Variants in CBR4 observed in about 807,000 individuals in gnomAD.
The protein encoded by CBR4 is 3-oxoacyl-[acyl-carrier-protein] reductase.
Under a neutral mutation model 21.0 loss-of-function variants are expected in CBR4, and 22 were observed. That is an observed-to-expected ratio of 1.05 (90% confidence interval 0.75 to 1.50). The LOEUF is 1.50. CBR4 is among the 40% of genes most tolerant of loss of function. The probability of loss-of-function intolerance (pLI) is 0.00; values close to 1 mark genes in which losing one functional copy is unlikely to be tolerated. For missense variants in CBR4, 302 were observed against 286.3 expected (o/e 1.05, Z -0.40); for synonymous variants, 100 against 104.4 (o/e 0.96, Z 0.26).
intron 2 of CBR4, chr4:168,898,435 G>A: frequency 9.3e-7 from 1 of 1,075,104 alleles, no homozygotes; most frequent in Non-Finnish European, 1.4e-6. Flanking sequence ...GGCAGGGAGA[G>A]ACGTGACACT....
intron 2 of CBR4, among the ~76,000 whole-genome samples, chr4:168,909,275 A>G (rs1560903421): frequency 6.6e-6 from 1 of 152,244 alleles, no homozygotes; most frequent in East Asian, 1.9e-4. Context: ...TGTTTCCTCA[A>G]ACTGCATTAT....
At chr4:168,921,540 G>A (rs1406129440) in intron 2 of CBR4, 1 of 1,599,914 alleles carries the variant, frequency 6.3e-7, no homozygotes, top group South Asian at 1.1e-5. Flanking sequence ...TTAGGTCAGT[G>A]GGTTACCAAC....
chr4:168,980,034 T>G (rs1419322253), intron 2 of CBR4, among the ~76,000 whole-genome samples: 2 of 152,058 alleles, frequency 1.3e-5, no homozygotes, highest in African/African-American at 4.8e-5. Flanking sequence ...GGATGATTAT[T>G]CTGATGGACA....
In CBR4 at chr4:168,945,060, T is replaced by C. The variant is rs1323259516; in HGVS notation, n.170-50295A>G. Reference sequence around the variant, plus strand: ...CATTCTTTCACTAAATTCCTTCTTTTGGAAAGTTTTAAGGTTAGCTCCTGT... The same window carrying C: ...CATTCTTTCACTAAATTCCTTCTTTCGGAAAGTTTTAAGGTTAGCTCCTGT... On this transcript the variant is annotated intron_variant and non_coding_transcript_variant, in intron 2 of 3. Coordinates refer to the CBR4 transcript ENST00000509108. 2.0e-5 allele frequency among the ~76,000 whole-genome samples: 3 copies of C among 152,196 alleles called. No individual in the cohort carries two copies. In the East Asian group the frequency reaches 5.8e-4, roughly 29 times the overall value.
intron 2 of CBR4, among the ~76,000 whole-genome samples, chr4:168,930,337 C>T (rs925871290): frequency 4.0e-5 from 6 of 151,788 alleles, no homozygotes; most frequent in African/African-American, 7.3e-5. Context: ...AGCTTAAATA[C>T]GTAGAAAAGG....
intron 2 of CBR4, among the ~76,000 whole-genome samples, chr4:168,910,073 A>G (rs1429461915): frequency 6.6e-6 from 1 of 152,166 alleles, no homozygotes; most frequent in Non-Finnish European, 1.5e-5. Context: ...ATTACAAATG[A>G]TAACTATTCC....
In CBR4 at chr4:169,010,133, C is replaced by G. The variant is rs1731307292; in HGVS notation, c.-44G>C. Reference sequence around the variant, plus strand: ...GAGGAAAGAGGGTAGGGAGTGGGAGCCCCTCTCCAGGTTCCCTCAGGCTTT... The same window carrying G: ...GAGGAAAGAGGGTAGGGAGTGGGAGGCCCTCTCCAGGTTCCCTCAGGCTTT... On this transcript the variant is annotated 5_prime_UTR_variant, in exon 1 of 5. Transcript: ENST00000306193. 1 of 1,520,342 alleles carries G rather than the reference C, an allele frequency of 6.6e-7. No individual in the cohort carries two copies. The highest frequency in any genetic ancestry group is 1.4e-5 in the African/African-American group (1 of 70,410). The allele number at this position is 1,520,342 out of a possible 1,614,324, so 94.2% of individuals were successfully genotyped here.
Position 168,958,925 on chromosome 4 carries a change from C to G in CBR4, n.169+43146G>C, listed in dbSNP as rs531342798. The stretch of plus-strand genomic sequence containing the variant: ...TCGTTTTAGGAGTCTGTTATATATT[C>G]TGGTCAAAAGTCCTTTTTCATGTAT... On this transcript the variant is annotated intron_variant and non_coding_transcript_variant, in intron 2 of 3. Coordinates refer to the CBR4 transcript ENST00000509108. 4.6e-5 allele frequency among the ~76,000 whole-genome samples: 7 copies of G among 152,238 alleles called. No homozygotes were observed. In the East Asian group the frequency reaches 1.3e-3, roughly 29 times the overall value.
At chr4:168,910,943 G>A (rs1040879544) in intron 2 of CBR4, among the ~76,000 whole-genome samples, 31 of 152,124 alleles carry the variant, frequency 2.0e-4, no homozygotes, top group African/African-American at 7.5e-4. Context: ...GCTGGGGTCC[G>A]CCAAGCTGCT....
chr4:168,963,828 C>G (rs952184692), intron 2 of CBR4, among the ~76,000 whole-genome samples: 1 of 152,060 alleles, frequency 6.6e-6, no homozygotes, highest in Non-Finnish European at 1.5e-5. Context: ...GAGGGATGCT[C>G]CAAGACCAAA....
intron 2 of CBR4, among the ~76,000 whole-genome samples, chr4:168,920,420 T>A (rs1761216348): frequency 6.6e-6 from 1 of 152,232 alleles, no homozygotes; most frequent in South Asian, 2.1e-4. Context: ...CTCTGGCTGA[T>A]GCTGGCAAAG....
chr4:168,922,100 TATACACACACACACACAC>T (rs1338443777), intron 2 of CBR4, among the ~76,000 whole-genome samples: 4 of 96,640 alleles, frequency 4.1e-5, no homozygotes, highest in South Asian at 4.1e-4. Flanking sequence ...TATATATATA[TATACACACACACACACAC>T]ACACACACAC....
chr4:168,915,219 T>G (rs1759861076), intron 2 of CBR4, among the ~76,000 whole-genome samples: 1 of 152,232 alleles, frequency 6.6e-6, no homozygotes, highest in African/African-American at 2.4e-5. Context: ...TAAACTTATC[T>G]TCTAGTCACT....
chr4:168,935,297 C>G (rs1045533461), intron 2 of CBR4, among the ~76,000 whole-genome samples: 20 of 152,188 alleles, frequency 1.3e-4, no homozygotes, highest in Non-Finnish European at 2.1e-4. Flanking sequence ...GATGCCTGTG[C>G]CACCAAGGCC....
intron 2 of CBR4, among the ~76,000 whole-genome samples, chr4:168,963,759 C>T (rs1015685227): frequency 2.0e-5 from 3 of 152,074 alleles, no homozygotes; most frequent in African/African-American, 7.2e-5. Flanking sequence ...GCCACCGCGC[C>T]CAACCTCCTG....
intron 2 of CBR4, among the ~76,000 whole-genome samples, chr4:168,974,239 A>T (rs1764301856): frequency 6.6e-6 from 1 of 152,180 alleles, no homozygotes; most frequent in Non-Finnish European, 1.5e-5. Flanking sequence ...AGAGGACCCC[A>T]ATCACTTCTG....
At chr4:169,006,964 A>G in intron 2 of CBR4, 73 bp from the exon 3 acceptor site, 1 of 1,200,240 alleles carries the variant, frequency 8.3e-7, no homozygotes, top group Non-Finnish European at 1.2e-6. Flanking sequence ...CTAATGTAAC[A>G]TTTTTACTGA....
rs5863973 is a variant in CBR4, at chr4:168,994,745, A to ATTT, written c.536-4420_536-4418dup. On this transcript the variant is annotated intron_variant, in intron 4 of 4. Transcript: ENST00000306193. Reference sequence around the variant, plus strand: ...AGGCGCCTACCACCACGCCTGGCTAATTTTTTTTTTTTTTTTTTTTTTTTT... The same window carrying ATTT: ...AGGCGCCTACCACCACGCCTGGCTAATTTTTTTTTTTTTTTTTTTTTTTTTTTT... Among the ~76,000 whole-genome samples the ATTT allele has an allele frequency of 6.6e-4, 32 of 48,788 alleles. 1 individual carries two copies. The highest frequency in any genetic ancestry group is 2.9e-3 in the Admixed American group (9 of 3,086). 32.0% of individuals were successfully genotyped at this position (48,788 alleles called of 152,430 possible). A position where few individuals can be genotyped will look rare whatever the true frequency, so the allele number is the denominator to read the frequency against.
At chr4:168,953,904 C>T (rs1763615675) in intron 2 of CBR4, among the ~76,000 whole-genome samples, 1 of 152,104 alleles carries the variant, frequency 6.6e-6, no homozygotes, top group Non-Finnish European at 1.5e-5. Context: ...TAACAGAAGA[C>T]ACTGCATCCA....
Sources: gnomAD v4.1 joint callset for allele counts (sites outside exome capture counted in the v4.1 genomes callset) on GRCh38, gnomAD v4.1.1 for gene constraint, MANE v1.5 for transcripts, NCBI Gene and HGNC (gene_info 2026-07-23, HGNC 2026-07-21) for gene names.